Variants in ATAD2B observed in about 807,000 individuals in gnomAD.
The protein encoded by ATAD2B is ATPase family AAA domain containing 2B.
Under a neutral mutation model 167.6 loss-of-function variants are expected in ATAD2B, and 40 were observed. The ratio of observed to expected loss-of-function variants is 0.24; its 90% CI spans 0.19 to 0.31. ATAD2B has a LOEUF of 0.31. ATAD2B is among the 10% of genes least tolerant of loss of function. The pLI is 1.00. For synonymous variants in ATAD2B, 579 were observed against 596.5 expected, an observed-to-expected ratio of 0.97 and a Z score of 0.43; for missense variants, 1,242 against 1,757.2, an observed-to-expected ratio of 0.71 and a Z score of 5.24.
At chr2:23,685,672 C>T in the ATAD2B span, among the ~76,000 whole-genome samples, 1 of 152,216 alleles carries the variant, frequency 6.6e-6, no homozygotes, top group Non-Finnish European at 1.5e-5. Context: ...TTTGGGACTT[C>T]CCATCTCATG....
chr2:23,887,755 T>C, intron 4 of ATAD2B, 77 bp downstream of exon 4: 1 of 1,320,108 alleles, frequency 7.6e-7, no homozygotes, highest in African/African-American at 1.5e-5. Flanking sequence ...AGTCGTTGCT[T>C]ATGTTATTTT....
Position 23,765,519 on chromosome 2 carries a change from T to G in ATAD2B, c.3243A>C (p.Ala1081=). ...TCTACAACTTACCTCTTTTTATTCTTGCTTCCTTAATTTCCTCACAAAGTT... is the reference window on the plus strand; with the variant it reads ...TCTACAACTTACCTCTTTTTATTCTGGCTTCCTTAATTTCCTCACAAAGTT... The part of the protein sequence containing the change: ...FNKLCEEIKE[A]RIKRGLSVTS... The change falls in exon 23 of 28, where the codon GCA becomes GCC. Residue 1081 remains alanine (A), a synonymous_variant. Transcript: ENST00000238789. The G allele has an allele frequency of 6.3e-7, 1 of 1,596,146 alleles. No homozygotes were observed. Among genetic ancestry groups the G allele is most frequent in the Non-Finnish European group, 8.6e-7 (1 of 1,169,190 alleles).
At chr2:23,747,087 A>G (rs79518801), downstream of ATAD2B, among the ~76,000 whole-genome samples, 107 of 152,276 alleles carry the variant, frequency 7.0e-4, 1 homozygote, top group East Asian at 0.019. Context: ...TGTGCCTTCT[A>G]TGTCATGCAA....
At chr2:23,863,696 T>A in intron 11 of ATAD2B, 141 bp from the exon 12 acceptor site, 1 of 792,054 alleles carries the variant, frequency 1.3e-6, no homozygotes, top group Non-Finnish European at 1.9e-6. Context: ...TTCCAGGATA[T>A]AGACAAAAGT....
intron 1 of ATAD2B, among the ~76,000 whole-genome samples, chr2:23,906,718 A>G (rs1302661472): frequency 1.3e-5 from 2 of 152,014 alleles, no homozygotes; most frequent in Admixed American, 6.6e-5. Context: ...AAAATCCTCA[A>G]TAAAATACTG....
chr2:23,832,147 A>G (rs2149728642), intron 14 of ATAD2B: 2 of 452,920 alleles, frequency 4.4e-6, no homozygotes, highest in African/African-American at 2.0e-5. Context: ...CACCCTCCTC[A>G]TTGATACATT....
chr2:23,718,624 A>C, the ATAD2B span, among the ~76,000 whole-genome samples: 1 of 152,324 alleles, frequency 6.6e-6, no homozygotes, highest in African/African-American at 2.4e-5. Flanking sequence ...TTAGTGTCCT[A>C]GGATTGTTAT....
At chr2:23,890,565 T>G (rs1439238979) in intron 2 of ATAD2B, among the ~76,000 whole-genome samples, 1 of 152,140 alleles carries the variant, frequency 6.6e-6, no homozygotes, top group African/African-American at 2.4e-5. Context: ...AAAACCAACT[T>G]TATTACTTCA....
intron 1 of ATAD2B, among the ~76,000 whole-genome samples, chr2:23,917,856 C>G (rs530152027): frequency 7.9e-5 from 12 of 152,108 alleles, no homozygotes; most frequent in African/African-American, 2.4e-4. Flanking sequence ...GTCAGGAGTT[C>G]AAGACCAGCC....
chr2:23,755,593 C>T (rs1675857029), intron 25 of ATAD2B, among the ~76,000 whole-genome samples: 1 of 152,128 alleles, frequency 6.6e-6, no homozygotes, highest in South Asian at 2.1e-4. Context: ...TTCAGAATTT[C>T]ATACAGGATG....
the ATAD2B span, chr2:23,691,910 G>A: frequency 9.1e-6 from 14 of 1,537,188 alleles, no homozygotes; most frequent in South Asian, 1.3e-4. Flanking sequence ...CGCTTGGGGG[G>A]AAGAGTGCAG....
intron 15 of ATAD2B, among the ~76,000 whole-genome samples, chr2:23,828,072 G>GT (rs564313058): frequency 2.9e-3 from 418 of 144,360 alleles, no homozygotes; most frequent in Middle Eastern, 0.021. Flanking sequence ...TGAAGATTGG[G>GT]TTTTTTTTTT....
intron 19 of ATAD2B, among the ~76,000 whole-genome samples, chr2:23,793,900 T>A (rs558313031): frequency 6.6e-6 from 1 of 152,348 alleles, no homozygotes; most frequent in Non-Finnish European, 1.5e-5. Flanking sequence ...GCCCATTAGA[T>A]ATTAACACTA....
the ATAD2B span, among the ~76,000 whole-genome samples, chr2:23,730,860 G>C: frequency 1.3e-5 from 2 of 149,764 alleles, no homozygotes; most frequent in East Asian, 3.9e-4. Flanking sequence ...GTAGAAATCA[G>C]AAAATAAAAG....
the ATAD2B span, chr2:23,706,473 C>A: frequency 6.8e-7 from 1 of 1,479,410 alleles, no homozygotes; most frequent in South Asian, 1.3e-5. Flanking sequence ...CCCGCTTTCC[C>A]CCAACAGTGC....
At position 23,807,876 on chromosome 2, in the gene ATAD2B, TA is replaced by T. The variant is rs1319796666; in HGVS notation, c.2454+2439del. Among the ~76,000 whole-genome samples, 57 of 135,070 alleles carry T rather than the reference TA, an allele frequency of 4.2e-4. 1 individual carries two copies. Among genetic ancestry groups the T allele is most frequent in the African/African-American group, 1.4e-3 (51 of 36,250 alleles). The allele number at this position is 135,070 out of a possible 152,430, so 88.6% of individuals were successfully genotyped here. On this transcript the variant is annotated intron_variant, in intron 18 of 27. Coordinates refer to ENST00000238789, the MANE Select transcript of ATAD2B (RefSeq NM_017552.4). ...ATATAAAATATATACATTTTATATA[TA>T]AAAAATAAATGTATATAATAAAATA...
At chr2:23,721,111 A>C in the ATAD2B span, among the ~76,000 whole-genome samples, 1 of 152,216 alleles carries the variant, frequency 6.6e-6, no homozygotes, top group Non-Finnish European at 1.5e-5. Flanking sequence ...GCCCAGGGTG[A>C]AACTGCTCTT....
At chr2:23,757,071 T>C (rs1172259366) in intron 25 of ATAD2B, among the ~76,000 whole-genome samples, 1 of 152,194 alleles carries the variant, frequency 6.6e-6, no homozygotes, top group Non-Finnish European at 1.5e-5. Context: ...TAATTCTTCT[T>C]GGAATTCCAT....
intron 13 of ATAD2B, among the ~76,000 whole-genome samples, chr2:23,853,936 A>T (rs889565790): frequency 6.6e-6 from 1 of 152,214 alleles, no homozygotes; most frequent in Non-Finnish European, 1.5e-5. Flanking sequence ...ATGGTTCTGG[A>T]ACAAATGAGT....
Sources: allele counts gnomAD v4.1 joint callset (sites outside exome capture counted in the v4.1 genomes callset), GRCh38; gene constraint gnomAD v4.1.1; transcripts MANE v1.5; gene names NCBI Gene and HGNC (gene_info 2026-07-23, HGNC 2026-07-21).